ANKLE2: variants seen among roughly 807,000 people sequenced by gnomAD.
ANKLE2 encodes ankyrin repeat and LEM domain containing 2, also known as ankyrin repeat and LEM domain-containing protein 2.
Under a neutral mutation model 84.2 loss-of-function variants are expected in ANKLE2, and 55 were observed. That is an observed-to-expected ratio of 0.65 (90% CI 0.53 to 0.82). ANKLE2 has a LOEUF of 0.82. Ranked by LOEUF, ANKLE2 falls within the 40% of genes least tolerant of loss-of-function variation. ANKLE2 has a pLI of 0.00. For synonymous variants in ANKLE2, 551 were observed against 486.1 expected, an observed-to-expected ratio of 1.13 and a Z score of -1.76; for missense variants, 1,238 against 1,201.9, an observed-to-expected ratio of 1.03 and a Z score of -0.44.
intron 10 of ANKLE2, among the ~76,000 whole-genome samples, chr12:132,733,163 C>T (rs1593143635): frequency 7.2e-6 from 1 of 139,676 alleles, no homozygotes; most frequent in South Asian, 2.3e-4. Context: ...TGATATGCAC[C>T]GTGTGAAGCT....
At position 132,748,129 on chromosome 12, in the gene ANKLE2, G is replaced by C; in HGVS notation, c.1041+9C>G. The C allele has an allele frequency of 6.2e-7, 1 of 1,611,584 alleles. No homozygotes were observed. The highest frequency in any genetic ancestry group is 8.5e-7 in the Non-Finnish European group (1 of 1,178,242). ...CGCACACCTGCCCGAGGGAACCGCC[G>C]AGACCTACCTGCACGATAGTGGGGT... On this transcript the variant is annotated intron_variant, in intron 4 of 12. Coordinates refer to ENST00000357997, the MANE Select transcript of ANKLE2 (RefSeq NM_015114.3).
chr12:132,751,920 T>G (rs1174897185), intron 2 of ANKLE2, among the ~76,000 whole-genome samples: 1 of 152,226 alleles, frequency 6.6e-6, no homozygotes, highest in South Asian at 2.1e-4. Context: ...TAAAGCTCTG[T>G]AGTGGAACTA....
At chr12:132,734,770 A>G in intron 9 of ANKLE2, 195 bp from the exon 10 acceptor site, 1 of 585,710 alleles carries the variant, frequency 1.7e-6, no homozygotes, top group Non-Finnish European at 2.9e-6. Flanking sequence ...ACAGGTAAGC[A>G]GGACCCGGCA....
Position 132,727,123 on chromosome 12 carries a change from C to A in ANKLE2, c.*119G>T. ...ATTTAAATCTTCTAAAATTCTCACA[C>A]CCTCAAAGTGAGGAGTAATAATTTA... On this transcript the variant is annotated 3_prime_UTR_variant, in exon 13 of 13. Transcript: ENST00000357997. 9.4e-7 allele frequency: 1 copy of A among 1,068,388 alleles called. No homozygotes were observed. The highest frequency in any genetic ancestry group is 2.6e-5 in the East Asian group (1 of 38,070). 66.2% of individuals were successfully genotyped at this position (1,068,388 alleles called of 1,614,324 possible).
At chr12:132,750,577 A>G in intron 3 of ANKLE2, 66 bp downstream of exon 3, 1 of 1,562,676 alleles carries the variant, frequency 6.4e-7, no homozygotes, top group Non-Finnish European at 8.8e-7. Flanking sequence ...CAGAGGAAAG[A>G]AGGCACAAAA....
chr12:132,741,836 A>T lies in ANKLE2; in HGVS notation c.1354-351T>A, dbSNP rs530748637. On this transcript the variant is annotated intron_variant, in intron 6 of 12. Transcript: ENST00000357997. ...TCTTGGTTGGTTGAGTTCCACTTAC[A>T]GGAAGCCTGGTCATACACAAACTTT... 178 of 473,358 alleles carry T rather than the reference A, an allele frequency of 3.8e-4. 4 individuals carry two copies. Among genetic ancestry groups the T allele is most frequent in the South Asian group, 2.1e-3 (134 of 64,738 alleles). The allele number at this position is 473,358 out of a possible 1,614,324, so 29.3% of individuals were successfully genotyped here. A position where few individuals can be genotyped will look rare whatever the true frequency, so the allele number is the denominator to read the frequency against.
intron 7 of ANKLE2, chr12:132,737,506 G>C (rs532221672): frequency 6.5e-6 from 1 of 153,248 alleles, no homozygotes; most frequent in South Asian, 2.0e-4. Flanking sequence ...CCTGAGGTCA[G>C]AAGTTCAAGA....
intron 7 of ANKLE2, chr12:132,738,888 G>A (rs562618461): frequency 1.3e-5 from 2 of 152,082 alleles, no homozygotes; most frequent in Admixed American, 6.6e-5. Flanking sequence ...GCCCATCAAC[G>A]GTCAACTGGA....
chr12:132,728,792 A>T (rs544757549), intron 11 of ANKLE2, among the ~76,000 whole-genome samples: 1 of 152,296 alleles, frequency 6.6e-6, no homozygotes, highest in East Asian at 1.9e-4. Context: ...GTTAAAATGC[A>T]GTTTTGCATA....
Position 132,727,194 on chromosome 12 carries a change from C to T in ANKLE2, c.*48G>A. ...GACAGTTTAGCAATAAACATATGAC[C>T]CTTCCTTCTTTAAAAATGAAGAACA... On this transcript the variant is annotated 3_prime_UTR_variant, in exon 13 of 13. Coordinates refer to ENST00000357997, the MANE Select transcript of ANKLE2 (RefSeq NM_015114.3). The T allele has an allele frequency of 1.4e-6, 2 of 1,475,934 alleles. No individual in the cohort carries two copies. The highest frequency in any genetic ancestry group is 1.8e-6 in the Non-Finnish European group (2 of 1,106,370). The allele number at this position is 1,475,934 out of a possible 1,614,324, so 91.4% of individuals were successfully genotyped here.
Position 132,729,956 on chromosome 12 carries a change from A to C in ANKLE2, c.2206T>G (p.Phe736Val), listed in dbSNP as rs568989665. Residue 736 changes from phenylalanine (F) to valine (V), a missense_variant, in exon 11 of 13, where the codon TTT becomes GTT. Physicochemically the swap from Phe to Val is conservative, Grantham distance 50 (BLOSUM62 -1). Transcript: ENST00000357997. Reference protein sequence around the residue: ...LPPVSDLTVEFDKLNLQNIGR... With the variant: ...LPPVSDLTVEVDKLNLQNIGR... The stretch of plus-strand genomic sequence containing the variant: ...ATATTTTGCAAATTCAGTTTATCAA[A>C]CTCAACAGTCAAATCCGAGACAGGT... The C allele has an allele frequency of 1.2e-6, 2 of 1,613,292 alleles. No individual in the cohort carries two copies. Among genetic ancestry groups the C allele is most frequent in the East Asian group, 2.2e-5 (1 of 44,838 alleles).
intron 2 of ANKLE2, 117 bp downstream of exon 2, chr12:132,754,558 G>A: frequency 1.0e-6 from 1 of 969,862 alleles, no homozygotes; most frequent in South Asian, 1.7e-5. Context: ...GGGGTGATGA[G>A]ATGGAGGGGA....
intron 10 of ANKLE2, among the ~76,000 whole-genome samples, chr12:132,733,142 G>A (rs1206643191): frequency 7.2e-5 from 10 of 139,726 alleles, no homozygotes; most frequent in African/African-American, 1.6e-4. Flanking sequence ...AGCACTGCGC[G>A]TCCTGGTGTC....
chr12:132,743,465 C>T lies in ANKLE2; in HGVS notation c.1231-189G>A, dbSNP rs1036405822. The stretch of plus-strand genomic sequence containing the variant: ...ACCGATTCTCCTGCCTCAGGCTCCC[C>T]AGTACCTGGGACTACAGGCACCCGC... On this transcript the variant is annotated intron_variant, in intron 5 of 12. Transcript: ENST00000357997. This position sits in a 1 kb window ranked among gnomAD's most constrained non-coding sequence, Gnocchi z 4.1. Among the ~76,000 whole-genome samples the T allele has an allele frequency of 1.3e-5, 2 of 151,702 alleles. No homozygotes were observed. The highest frequency in any genetic ancestry group is 4.8e-5 in the African/African-American group (2 of 41,316).
chr12:132,751,941 G>A (rs2044366049), intron 2 of ANKLE2, among the ~76,000 whole-genome samples: 2 of 152,196 alleles, frequency 1.3e-5, no homozygotes, highest in Non-Finnish European at 2.9e-5. Flanking sequence ...TCACAATTAA[G>A]TTTTGTATGA....
chr12:132,730,646 A>G, intron 10 of ANKLE2: 1 of 228,220 alleles, frequency 4.4e-6, no homozygotes, highest in East Asian at 7.9e-5. Context: ...ACATAGCGAA[A>G]CCCCGTTCTC....
chr12:132,727,205 TA>T lies in ANKLE2; in HGVS notation c.*36del. ...AATAAACATATGACCCTTCCTTCTT[TA>T]AAAATGAAGAACAAACCGAGAGCCC... On this transcript the variant is annotated 3_prime_UTR_variant, in exon 13 of 13. Coordinates refer to ENST00000357997, the MANE Select transcript of ANKLE2 (RefSeq NM_015114.3). 1 of 1,496,518 alleles carries T rather than the reference TA, an allele frequency of 6.7e-7. No homozygotes were observed. Among genetic ancestry groups the T allele is most frequent in the Non-Finnish European group, 8.9e-7 (1 of 1,119,698 alleles). The allele number at this position is 1,496,518 out of a possible 1,614,324, so 92.7% of individuals were successfully genotyped here.
intron 2 of ANKLE2, among the ~76,000 whole-genome samples, chr12:132,752,717 CATAGTGTTTAACCA>C (rs1374437671): frequency 6.6e-6 from 1 of 152,140 alleles, no homozygotes; most frequent in Non-Finnish European, 1.5e-5. Context: ...CCATTCTATT[CATAGTGTTTAACCA>C]ATTATGTACT....
chr12:132,754,806 G>A lies in ANKLE2; in HGVS notation c.509C>T (p.Ala170Val). 1 of 1,614,160 alleles carries A rather than the reference G, an allele frequency of 6.2e-7. No homozygotes were observed. The highest frequency in any genetic ancestry group is 8.5e-7 in the Non-Finnish European group (1 of 1,180,038). Residue 170 changes from alanine to valine, a missense_variant, in exon 2 of 13, where the codon GCT becomes GTT. Ala to Val is a moderately conservative substitution (Grantham distance 64, BLOSUM62 0). This residue lies in a region of ANKLE2 where 422 missense variants were observed against 394.5 expected (regional missense o/e 1.07). Coordinates refer to ENST00000357997, the MANE Select transcript of ANKLE2 (RefSeq NM_015114.3). ...SVGLNPPEEEAVTSKTCSVPP... is the reference protein window; with the variant it reads ...SVGLNPPEEEVVTSKTCSVPP... Reference sequence around the variant, plus strand: ...CACCGAGCAGGTCTTGGATGTCACAGCTTCCTCCTCTGGAGGATTCAGGCC... The same window carrying A: ...CACCGAGCAGGTCTTGGATGTCACAACTTCCTCCTCTGGAGGATTCAGGCC...
Sources: gnomAD v4.1 joint callset for allele counts (sites outside exome capture counted in the v4.1 genomes callset) on GRCh38, gnomAD v4.1.1 for gene constraint, gnomAD v4.1.1 regional missense constraint, Gnocchi (gnomAD v3.1) non-coding constraint, MANE v1.5 for transcripts, NCBI Gene and HGNC (gene_info 2026-07-23, HGNC 2026-07-21) for gene names.